The following PLXNA2 variants were observed in gnomAD, a reference collection of about 807,000 sequenced individuals.
PLXNA2 encodes the protein plexin A2.
A neutral mutation model predicts 193.5 loss-of-function variants in PLXNA2; 91 were observed. The observed-to-expected ratio is 0.47, with a 90% confidence interval of 0.40 to 0.56. The LOEUF (loss-of-function observed/expected upper bound fraction) is 0.56. Ranked by LOEUF, PLXNA2 falls within the 20% of genes least tolerant of loss-of-function variation. The probability of loss-of-function intolerance (pLI) is 0.00; values close to 1 mark genes in which losing one functional copy is unlikely to be tolerated. For synonymous variants in PLXNA2, 997 were observed against 1,027.3 expected, an observed-to-expected ratio of 0.97 and a Z score of 0.56; for missense variants, 1,995 against 2,503.2, an observed-to-expected ratio of 0.80 and a Z score of 4.33.
At chr1:208,114,815 T>C (rs1484648708) in intron 4 of PLXNA2, among the ~76,000 whole-genome samples, 2 of 151,734 alleles carry the variant, frequency 1.3e-5, no homozygotes, top group Non-Finnish European at 2.9e-5. Context: ...AGTGAGTGAG[T>C]AGATGAGTGT....
chr1:208,168,211 T>C (rs563365300), intron 3 of PLXNA2, among the ~76,000 whole-genome samples: 1 of 152,354 alleles, frequency 6.6e-6, no homozygotes, highest in South Asian at 2.1e-4. Context: ...TAAATGTTCA[T>C]ATTTGTCTCC....
intron 3 of PLXNA2, among the ~76,000 whole-genome samples, chr1:208,177,328 T>C (rs558459550): frequency 5.9e-5 from 9 of 152,284 alleles, no homozygotes; most frequent in Admixed American, 1.3e-4. Context: ...AAACAAATTC[T>C]GGAACTAGAC....
chr1:208,110,063 G>T (rs1667413495), intron 4 of PLXNA2, among the ~76,000 whole-genome samples: 1 of 152,178 alleles, frequency 6.6e-6, no homozygotes, highest in African/African-American at 2.4e-5. Context: ...TGCTTCCCTT[G>T]ACACTCATTC....
Position 208,060,678 on chromosome 1 carries a change from G to T in PLXNA2, c.2738+8C>A. On this transcript the variant is annotated splice_region_variant and intron_variant, in intron 13 of 31. Coordinates refer to ENST00000367033, the MANE Select transcript of PLXNA2 (RefSeq NM_025179.4). ...CCATGGGAAAAGGGCTGGCCAGGGC[G>T]GACTCACTGCTCAGCGATGATGTAT... 6.2e-7 allele frequency: 1 copy of T among 1,610,230 alleles called. No homozygotes were observed. The highest frequency in any genetic ancestry group is 2.2e-5 in the East Asian group (1 of 44,660).
At chr1:208,213,452 T>C (rs2102605301) in intron 2 of PLXNA2, among the ~76,000 whole-genome samples, 1 of 152,318 alleles carries the variant, frequency 6.6e-6, no homozygotes, top group African/African-American at 2.4e-5. Flanking sequence ...TGAGCCTTTG[T>C]TTTTTAATCT....
intron 12 of PLXNA2, among the ~76,000 whole-genome samples, chr1:208,071,916 C>T (rs957696431): frequency 6.6e-6 from 1 of 152,160 alleles, no homozygotes; most frequent in Non-Finnish European, 1.5e-5. Context: ...TTTGGTGCAG[C>T]CTTGCAGATA....
chr1:208,205,438 T>G (rs1670686370), intron 3 of PLXNA2, among the ~76,000 whole-genome samples: 1 of 152,170 alleles, frequency 6.6e-6, no homozygotes, highest in Non-Finnish European at 1.5e-5. Context: ...TGCCTTGCCC[T>G]GTCTGTGCCA....
intron 3 of PLXNA2, among the ~76,000 whole-genome samples, chr1:208,187,891 A>T (rs955885600): frequency 6.6e-6 from 1 of 152,200 alleles, no homozygotes; most frequent in Non-Finnish European, 1.5e-5. Context: ...CACACGTATC[A>T]TCTCACTAAA....
chr1:208,109,342 G>T (rs546583684), intron 4 of PLXNA2, among the ~76,000 whole-genome samples: 9 of 152,132 alleles, frequency 5.9e-5, no homozygotes, highest in Admixed American at 1.3e-4. Context: ...AGGTTTATAG[G>T]GTCTCAGAGC....
In PLXNA2 at chr1:208,082,350, T is replaced by G. The variant is rs918800170; in HGVS notation, c.2395+62A>C. On this transcript the variant is annotated intron_variant, in intron 11 of 31. Coordinates refer to ENST00000367033, the MANE Select transcript of PLXNA2 (RefSeq NM_025179.4). The surrounding 1 kb of genome is among the most constrained non-coding windows in gnomAD (Gnocchi z 4.2). ...AGCGGCTGGCTGGCTCTGATCCCTC[T>G]AGCCCCAGTCTTTCCCGGGGTCGTG... 10 of 1,332,430 alleles carry G rather than the reference T, an allele frequency of 7.5e-6. No homozygotes were observed. The highest frequency in any genetic ancestry group is 1.1e-5 in the Non-Finnish European group (10 of 936,310). 82.5% of individuals were successfully genotyped at this position (1,332,430 alleles called of 1,614,324 possible).
intron 3 of PLXNA2, among the ~76,000 whole-genome samples, chr1:208,185,920 A>G (rs537272657): frequency 1.9e-4 from 29 of 152,058 alleles, no homozygotes; most frequent in African/African-American, 7.0e-4. Flanking sequence ...CAGGGCAGAT[A>G]GAGGTGGTGT....
chr1:208,204,676 C>T (rs951346062), intron 3 of PLXNA2, among the ~76,000 whole-genome samples: 1 of 152,184 alleles, frequency 6.6e-6, no homozygotes, highest in East Asian at 1.9e-4. Flanking sequence ...CATTTGAGAT[C>T]ACTTTCATGA....
chr1:208,068,670 T>A (rs1251484430), intron 12 of PLXNA2, among the ~76,000 whole-genome samples: 3 of 152,244 alleles, frequency 2.0e-5, no homozygotes, highest in Non-Finnish European at 4.4e-5. Context: ...CCTGCGAAGA[T>A]GACTTCCTTT....
intron 13 of PLXNA2, among the ~76,000 whole-genome samples, chr1:208,057,986 A>C (rs1029034105): frequency 2.0e-5 from 3 of 152,210 alleles, no homozygotes; most frequent in Non-Finnish European, 4.4e-5. Flanking sequence ...ACTTGCTCAA[A>C]GTCACCTGGT....
chr1:208,050,899 C>T (rs1251432222), intron 17 of PLXNA2, 110 bp downstream of exon 17: 6 of 748,274 alleles, frequency 8.0e-6, no homozygotes, highest in African/African-American at 5.2e-5. Context: ...AGCCAGTTTT[C>T]CTCTCCAGTA....
rs149679305 is a variant in PLXNA2, at chr1:208,119,695, C to T, written c.1507-16448G>A. Among the ~76,000 whole-genome samples, 242 of 152,298 alleles carry T rather than the reference C, an allele frequency of 1.6e-3. 2 individuals carry two copies. Among genetic ancestry groups the T allele is most frequent in the Middle Eastern group, 0.014 (4 of 294 alleles). On this transcript the variant is annotated intron_variant, in intron 4 of 31. Coordinates refer to ENST00000367033, the MANE Select transcript of PLXNA2 (RefSeq NM_025179.4). ...CACAGTCTCAGCTCACTGCAGCCTCCGCCTCCTGGGTTCAAGCGATTCTCC... is the reference window on the plus strand; with the variant it reads ...CACAGTCTCAGCTCACTGCAGCCTCTGCCTCCTGGGTTCAAGCGATTCTCC...
intron 4 of PLXNA2, among the ~76,000 whole-genome samples, chr1:208,124,679 C>CAAAAA (rs34909092): frequency 3.2e-4 from 22 of 68,582 alleles, no homozygotes; most frequent in South Asian, 1.8e-3. Context: ...AACTCCGTCT[C>CAAAAA]AAAAAAAAAA....
chr1:208,132,410 A>G (rs1668185854), intron 4 of PLXNA2, among the ~76,000 whole-genome samples: 1 of 152,158 alleles, frequency 6.6e-6, no homozygotes, highest in Non-Finnish European at 1.5e-5. Flanking sequence ...ATTTGGCTTC[A>G]GAGGTGTGGG....
At chr1:208,080,919 T>C (rs1036217408) in intron 11 of PLXNA2, among the ~76,000 whole-genome samples, 1 of 152,314 alleles carries the variant, frequency 6.6e-6, no homozygotes, top group East Asian at 1.9e-4. Context: ...TTTGCTGGAT[T>C]CTAGAACCTG....
Sources: gnomAD v4.1 joint callset for allele counts (sites outside exome capture counted in the v4.1 genomes callset) on GRCh38, gnomAD v4.1.1 for gene constraint, Gnocchi (gnomAD v3.1) non-coding constraint, MANE v1.5 for transcripts, NCBI Gene and HGNC (gene_info 2026-07-23, HGNC 2026-07-21) for gene names.